The following ARHGAP6 variants were observed in gnomAD, a reference collection of about 807,000 sequenced individuals.
ARHGAP6 encodes Rho GTPase activating protein 6, also known as rho GTPase-activating protein 6.
Under a neutral mutation model 55.7 loss-of-function variants are expected in ARHGAP6, and 16 were observed. That is an observed-to-expected ratio of 0.29 (90% CI 0.19 to 0.44). The LOEUF is 0.44. Among genes scored for constraint, ARHGAP6 ranks in the 20% least tolerant of loss-of-function variants. The pLI is 1.00. For synonymous variants in ARHGAP6, 382 were observed against 360.9 expected (o/e 1.06, Z -0.66); for missense variants, 698 against 808.9 (o/e 0.86, Z 1.66).
intron 1 of ARHGAP6, among the ~76,000 whole-genome samples, chrX:11,482,144 G>C (rs749186446): frequency 3.6e-5 from 4 of 112,252 alleles, no homozygotes; most frequent in African/African-American, 1.3e-4. Flanking sequence ...TTGGCTTCAA[G>C]TGGAGAGGGG....
At position 11,612,760 on chromosome X, in the gene ARHGAP6, T is replaced by C. The variant is rs760457686; in HGVS notation, c.588+51481A>G. 9.8e-5 allele frequency among the ~76,000 whole-genome samples: 11 copies of C among 112,690 alleles called. No homozygotes were observed. In the East Asian group the frequency reaches 2.8e-3, roughly 29 times the overall value. On this transcript the variant is annotated intron_variant, in intron 1 of 12. Transcript: ENST00000337414. ...ACACTTCTCATAGAGGAGAGGTCTA[T>C]AATAACTCAGCATCCCTAGTGATAC...
intron 1 of ARHGAP6, among the ~76,000 whole-genome samples, chrX:11,532,248 G>C (rs141924340): frequency 0.013 from 1,456 of 112,747 alleles, 12 homozygotes; most frequent in Non-Finnish European, 0.021. Context: ...AGGTCTTAAA[G>C]TGGATATGTT....
intron 1 of ARHGAP6, among the ~76,000 whole-genome samples, chrX:11,297,017 G>C (rs1021535951): frequency 5.4e-5 from 6 of 111,095 alleles, no homozygotes; most frequent in African/African-American, 2.0e-4. Flanking sequence ...GCAGCCTCCC[G>C]CCTGGCCACT....
Position 11,139,288 on chromosome X carries a change from T to A in ARHGAP6, c.2500A>T (p.Thr834Ser). 1 of 1,188,598 alleles carries A rather than the reference T, an allele frequency of 8.4e-7. No individual in the cohort carries two copies. The highest frequency in any genetic ancestry group is 1.1e-6 in the Non-Finnish European group (1 of 884,693). The change falls in exon 13 of 13, where the codon ACG becomes TCG. Residue 834 changes from threonine to serine, a missense_variant. By Grantham distance (58) the Thr-to-Ser change is moderately conservative (BLOSUM62 1). This residue lies in a region of ARHGAP6 where 212 missense variants were observed against 208.7 expected (regional missense o/e 1.02). Transcript: ENST00000337414. ...GTCAAGTACTGCTCCGACCTGGCCG[T>A]GGGCCGCTCGGCTTTCCCTGCCACC... is the stretch of plus-strand genomic sequence containing the variant. The part of the protein sequence containing the change: ...VQVAGKAERP[T>S]ARSEQYLTLS...
chrX:11,347,311 T>C (rs1011335952), intron 1 of ARHGAP6, among the ~76,000 whole-genome samples: 5 of 112,378 alleles, frequency 4.4e-5, no homozygotes, highest in Admixed American at 9.4e-5. Flanking sequence ...TTAGTTCATT[T>C]CATATGCCTG....
At chrX:11,262,057 TA>T (rs2047568957) in intron 1 of ARHGAP6, among the ~76,000 whole-genome samples, 1 of 112,335 alleles carries the variant, frequency 8.9e-6, no homozygotes, top group African/African-American at 3.2e-5. Flanking sequence ...TTGTTTATCA[TA>T]AAAATATGTA....
rs2050620274 is a variant in ARHGAP6, at chrX:11,496,199, T to A, written c.588+168042A>T. On this transcript the variant is annotated intron_variant, in intron 1 of 12. Coordinates refer to ENST00000337414, the MANE Select transcript of ARHGAP6 (RefSeq NM_013427.3). The stretch of plus-strand genomic sequence containing the variant: ...GTATTGTCTTAAGCCACTAAGTTAG[T>A]GATAATTTGTTACACAGTAATATCT... Among the ~76,000 whole-genome samples the A allele has an allele frequency of 2.7e-5, 3 of 112,637 alleles. No homozygotes were observed. The South Asian group carries it at 1.1e-3, about 41-fold the overall frequency.
At chrX:11,348,818 A>G (rs1463288031) in intron 1 of ARHGAP6, among the ~76,000 whole-genome samples, 1 of 110,403 alleles carries the variant, frequency 9.1e-6, no homozygotes, top group Non-Finnish European at 1.9e-5. Context: ...ACTAATTAAA[A>G]AAAGTTTTTT....
chrX:11,403,284 A>G (rs1318398414), intron 1 of ARHGAP6, among the ~76,000 whole-genome samples: 3 of 111,411 alleles, frequency 2.7e-5, no homozygotes, highest in African/African-American at 9.8e-5. Context: ...AACTGAGTCA[A>G]ATCAGTCATC....
intron 8 of ARHGAP6, among the ~76,000 whole-genome samples, chrX:11,176,300 C>CATATATATATATATAT (rs59647126): frequency 1.9e-4 from 3 of 15,629 alleles, no homozygotes; most frequent in Non-Finnish European, 5.2e-4. Flanking sequence ...TATTTGCATG[C>CATATATATATATATAT]ATATATATAT....
intron 1 of ARHGAP6, among the ~76,000 whole-genome samples, chrX:11,338,781 C>T (rs1427122592): frequency 4.5e-5 from 5 of 112,011 alleles, no homozygotes; most frequent in Admixed American, 9.5e-5. Context: ...AGCTGAGGGG[C>T]GACTATTCTG....
At chrX:11,385,079 T>C (rs1017531738) in intron 1 of ARHGAP6, among the ~76,000 whole-genome samples, 3 of 112,064 alleles carry the variant, frequency 2.7e-5, no homozygotes, top group African/African-American at 9.7e-5. Flanking sequence ...TTCTTACTAC[T>C]GTATAAATGA....
chrX:11,240,260 G>C (rs905095191), intron 2 of ARHGAP6, among the ~76,000 whole-genome samples: 2 of 112,404 alleles, frequency 1.8e-5, no homozygotes, highest in African/African-American at 6.5e-5. Flanking sequence ...ATTCAAAATT[G>C]CTCCTTCTAC....
chrX:11,201,075 T>A (rs1767112639), intron 2 of ARHGAP6, among the ~76,000 whole-genome samples: 1 of 111,995 alleles, frequency 8.9e-6, no homozygotes, highest in African/African-American at 3.3e-5. Flanking sequence ...TTGTGCACAT[T>A]CATATTTATG....
chrX:11,430,256 A>G (rs2049928141), intron 1 of ARHGAP6, among the ~76,000 whole-genome samples: 1 of 112,365 alleles, frequency 8.9e-6, no homozygotes, highest in Non-Finnish European at 1.9e-5. Context: ...TAAGCCAAAA[A>G]TACTCCATCA....
chrX:11,495,744 AG>A (rs1218355208), intron 1 of ARHGAP6, among the ~76,000 whole-genome samples: 1 of 112,246 alleles, frequency 8.9e-6, no homozygotes, highest in Non-Finnish European at 1.9e-5. Context: ...AATATGGCAA[AG>A]GTGCTGTAAC....
intron 1 of ARHGAP6, among the ~76,000 whole-genome samples, chrX:11,471,226 G>A (rs1309102183): frequency 2.7e-5 from 3 of 111,614 alleles, no homozygotes; most frequent in Non-Finnish European, 5.7e-5. Context: ...TAAAAAGAAT[G>A]TAGTAATTAT....
At chrX:11,334,718 T>C in intron 1 of ARHGAP6, 1 of 217,678 alleles carries the variant, frequency 4.6e-6, no homozygotes, top group Non-Finnish European at 8.6e-6. Flanking sequence ...CAAACATTAA[T>C]GCTCTGTTCA....
intron 1 of ARHGAP6, among the ~76,000 whole-genome samples, chrX:11,650,036 C>T (rs1455358859): frequency 9.6e-6 from 1 of 104,050 alleles, no homozygotes; most frequent in African/African-American, 3.6e-5. Flanking sequence ...ACTCTGTTGC[C>T]CAGGCTGGAG....
Sources: allele counts gnomAD v4.1 joint callset (sites outside exome capture counted in the v4.1 genomes callset), GRCh38; gene constraint gnomAD v4.1.1; regional missense constraint gnomAD v4.1.1; transcripts MANE v1.5; gene names NCBI Gene and HGNC (gene_info 2026-07-23, HGNC 2026-07-21).